KLRG1: variants seen among roughly 807,000 people sequenced by gnomAD.
The protein encoded by KLRG1 is killer cell lectin-like receptor subfamily G member 1.
Under a neutral mutation model 21.8 loss-of-function variants are expected in KLRG1, and 16 were observed. The ratio of observed to expected loss-of-function variants is 0.73; its 90% CI spans 0.50 to 1.11. The LOEUF (loss-of-function observed/expected upper bound fraction) is 1.11, where lower values mean the gene tolerates loss of function less well. KLRG1 is among the 50% of genes most tolerant of loss of function. The pLI is 0.00. For missense variants in KLRG1, 173 were observed against 218.3 expected (o/e 0.79, Z 1.31); for synonymous variants, 69 against 75.9 (o/e 0.91, Z 0.47).
At chr12:8,979,034 T>TA (rs1186888459) in intron 1 of KLRG1, among the ~76,000 whole-genome samples, 3 of 145,042 alleles carry the variant, frequency 2.1e-5, no homozygotes, top group Admixed American at 1.4e-4. Flanking sequence ...TTTTTTTTTT[T>TA]AGACATATCT....
chr12:8,985,797 A>G (rs532146808), upstream of KLRG1, among the ~76,000 whole-genome samples: 294 of 152,322 alleles, frequency 1.9e-3, no homozygotes, highest in Non-Finnish European at 3.2e-3. Context: ...ATCTGGAAGC[A>G]TTCTGACACA....
At chr12:9,167,160 T>C in the KLRG1 span, 1 of 152,226 alleles carries the variant, frequency 6.6e-6, no homozygotes, top group Non-Finnish European at 1.5e-5. Flanking sequence ...ACTCTTATCT[T>C]AAATATTGAA....
chr12:9,198,818 T>C, the KLRG1 span, among the ~76,000 whole-genome samples: 1 of 152,216 alleles, frequency 6.6e-6, no homozygotes, highest in African/African-American at 2.4e-5. Context: ...ATATCTGCAC[T>C]ACGGCACTAT....
At chr12:9,119,998 C>A in the KLRG1 span, among the ~76,000 whole-genome samples, 1 of 152,130 alleles carries the variant, frequency 6.6e-6, no homozygotes, top group African/African-American at 2.4e-5. Flanking sequence ...CTGCTCTGAG[C>A]CTCAGCTTTC....
the KLRG1 span, chr12:9,109,769 C>A: frequency 8.2e-7 from 1 of 1,212,850 alleles, no homozygotes; most frequent in Non-Finnish European, 1.1e-6. Context: ...CAATGTCACC[C>A]ATGGGAAATG....
the KLRG1 span, chr12:9,027,493 T>C: frequency 2.0e-6 from 2 of 1,020,516 alleles, no homozygotes; most frequent in Non-Finnish European, 3.0e-6. Flanking sequence ...GCCACTTCTC[T>C]GGCTCTCTTC....
At chr12:9,140,402 T>A in the KLRG1 span, among the ~76,000 whole-genome samples, 1 of 152,168 alleles carries the variant, frequency 6.6e-6, no homozygotes, top group Non-Finnish European at 1.5e-5. Flanking sequence ...TCGGCCCAAT[T>A]GGTTGAGATA....
At chr12:9,039,791 C>T in the KLRG1 span, among the ~76,000 whole-genome samples, 2 of 152,188 alleles carry the variant, frequency 1.3e-5, no homozygotes, top group Non-Finnish European at 2.9e-5. Flanking sequence ...AAAATTTGTG[C>T]ATTCTTTTGA....
At position 8,995,155 on chromosome 12, in the gene KLRG1, G is replaced by T. The variant is rs1444952287; in HGVS notation, c.224G>T (p.Cys75Phe). 6.2e-7 allele frequency: 1 copy of T among 1,612,606 alleles called. No homozygotes were observed. The change falls in exon 3 of 5, where the codon TGC (cysteine) becomes TTC (phenylalanine). Residue 75 changes from cysteine to phenylalanine, a missense_variant. Transcript: ENST00000356986. Reference protein sequence around the residue: ...NYSTCASCPSCPDRWMKYGNH... With the variant: ...NYSTCASCPSFPDRWMKYGNH... ...TCCACTTGTGCCAGCTGTCCTAGCTGCCCAGACCGCTGGATGAAATATGGT... is the reference window on the plus strand; with the variant it reads ...TCCACTTGTGCCAGCTGTCCTAGCTTCCCAGACCGCTGGATGAAATATGGT...
chr12:9,075,102 A>T, the KLRG1 span, among the ~76,000 whole-genome samples: 9 of 152,298 alleles, frequency 5.9e-5, no homozygotes, highest in East Asian at 1.7e-3. Flanking sequence ...GTTATATTAG[A>T]CTATAGCTGG....
chr12:9,107,414 G>A, the KLRG1 span: 1 of 1,305,834 alleles, frequency 7.7e-7, no homozygotes, highest in South Asian at 1.5e-5. Flanking sequence ...TAGCCAACAT[G>A]GAATTCTCTT....
the KLRG1 span, among the ~76,000 whole-genome samples, chr12:9,191,256 A>G: frequency 2.0e-5 from 3 of 152,174 alleles, no homozygotes; most frequent in African/African-American, 7.2e-5. Flanking sequence ...AATGTGATAC[A>G]TAGACCAGTA....
chr12:9,168,769 G>A, the KLRG1 span: 2 of 860,768 alleles, frequency 2.3e-6, no homozygotes, highest in Non-Finnish European at 3.8e-6. Context: ...TTCTTTGTGT[G>A]TATAAAGTGG....
At chr12:9,091,195 C>T in the KLRG1 span, 2 of 1,612,588 alleles carry the variant, frequency 1.2e-6, no homozygotes, top group Non-Finnish European at 1.7e-6. Flanking sequence ...GGAAAGAGAT[C>T]CTTACCCGGA....
the KLRG1 span, chr12:9,169,379 A>T: frequency 1.4e-6 from 2 of 1,460,330 alleles, no homozygotes; most frequent in African/African-American, 1.4e-5. Context: ...GAGTTTTATT[A>T]ACATTCAAAA....
chr12:9,182,403 A>G, the KLRG1 span, among the ~76,000 whole-genome samples: 1 of 122,224 alleles, frequency 8.2e-6, no homozygotes, highest in Non-Finnish European at 1.8e-5. Context: ...AAATATCAGT[A>G]GCTCCAAATT....
At chr12:9,074,846 G>A in the KLRG1 span, 1 of 1,499,350 alleles carries the variant, frequency 6.7e-7, no homozygotes, top group Non-Finnish European at 9.0e-7. Context: ...CAAGGTGAAA[G>A]TACCCAAGCC....
chr12:9,039,128 G>A, the KLRG1 span, among the ~76,000 whole-genome samples: 13 of 152,334 alleles, frequency 8.5e-5, no homozygotes, highest in Admixed American at 5.9e-4. Flanking sequence ...CATTCAATAA[G>A]TTGGTCATAT....
chr12:8,995,122 C>T lies in KLRG1; in HGVS notation c.191C>T (p.Ser64Phe), dbSNP rs1426652650. Residue 64 changes from serine (S) to phenylalanine (F), a missense_variant, in exon 3 of 5, where the codon TCC (serine) becomes TTC (phenylalanine). This residue lies in a region of KLRG1 where 144 missense variants were observed against 161.5 expected (regional missense o/e 0.89). Transcript: ENST00000356986. ...LLYQWILCQG[S>F]NYSTCASCPS... ...ACCAGGTCCTCTTCTCTCCTAGGCT[C>T]CAACTACTCCACTTGTGCCAGCTGT... 4 of 1,600,714 alleles carry T rather than the reference C, an allele frequency of 2.5e-6. No individual in the cohort carries two copies. In the African/African-American group the frequency reaches 4.0e-5, roughly 16 times the overall value.
Sources: gnomAD v4.1 joint callset for allele counts (sites outside exome capture counted in the v4.1 genomes callset) on GRCh38, gnomAD v4.1.1 for gene constraint, gnomAD v4.1.1 regional missense constraint, MANE v1.5 for transcripts, NCBI Gene and HGNC (gene_info 2026-07-23, HGNC 2026-07-21) for gene names.